The following CDH18 variants were observed in gnomAD, a reference collection of about 807,000 sequenced individuals.
CDH18 encodes cadherin 18.
A neutral mutation model predicts 67.9 loss-of-function variants in CDH18; 31 were observed. The ratio of observed to expected loss-of-function variants is 0.46; its 90% CI spans 0.34 to 0.62. CDH18 has a LOEUF of 0.62. Ranked by LOEUF, CDH18 falls within the 20% of genes least tolerant of loss-of-function variation. The pLI, the probability that CDH18 is intolerant of heterozygous loss-of-function variation, is 0.01. For synonymous variants in CDH18, 362 were observed against 347.2 expected (o/e 1.04, Z -0.48); for missense variants, 890 against 975.5 (o/e 0.91, Z 1.17).
At chr5:20,183,627 G>C (rs1281948729) in intron 2 of CDH18, among the ~76,000 whole-genome samples, 5 of 152,008 alleles carry the variant, frequency 3.3e-5, no homozygotes, top group African/African-American at 4.8e-5. Flanking sequence ...TTTATGATTT[G>C]TATATTCAAA....
In CDH18 at chr5:19,473,351, T is replaced by C. The variant is rs757108674; in HGVS notation, c.2248A>G (p.Ile750Val). 67 of 1,613,824 alleles carry C rather than the reference T, an allele frequency of 4.2e-5. No individual in the cohort carries two copies. In the Admixed American group the frequency reaches 6.5e-4, roughly 16 times the overall value. ...YEGQRSEAGS[I>V]SSLDSATTQS... ...GTCGTTGCTGAATCCAGCGAGCTGA[T>C]AGACCCAGCTTCTGATCTCTGACCC... Residue 750 changes from isoleucine to valine, a missense_variant, in exon 13 of 13, where the codon ATC becomes GTC. By Grantham distance (29) the Ile-to-Val change is conservative (BLOSUM62 3). Coordinates refer to ENST00000382275, the MANE Select transcript of CDH18 (RefSeq NM_004934.5).
intron 1 of CDH18, among the ~76,000 whole-genome samples, chr5:20,459,033 C>G (rs1412239450): frequency 6.6e-6 from 1 of 151,704 alleles, no homozygotes; most frequent in Non-Finnish European, 1.5e-5. Flanking sequence ...TGAAATGATA[C>G]ACAAAACAAA....
At chr5:19,872,317 G>C (rs1024679863) in intron 2 of CDH18, among the ~76,000 whole-genome samples, 1 of 152,252 alleles carries the variant, frequency 6.6e-6, no homozygotes, top group South Asian at 2.1e-4. Context: ...CTTCCTCTAA[G>C]GGCAGAACCT....
intron 2 of CDH18, among the ~76,000 whole-genome samples, chr5:20,162,197 A>T (rs767097982): frequency 1.3e-5 from 2 of 151,974 alleles, no homozygotes; most frequent in African/African-American, 2.4e-5. Context: ...TCTAGTTCCA[A>T]TGAAATGTCA....
intron 2 of CDH18, among the ~76,000 whole-genome samples, chr5:19,953,832 AT>A (rs1234890367): frequency 6.6e-6 from 1 of 151,966 alleles, no homozygotes; most frequent in African/African-American, 2.4e-5. Flanking sequence ...TCCTGCTTTA[AT>A]TTTTTTCTGT....
Position 20,403,981 on chromosome 5 carries a change from G to A in CDH18, c.-579-148476C>T, listed in dbSNP as rs1331439585. ...ATCAAAGATCTTAGCTGAATCTTCTGGATAACTTGTTGCAGCTTCTACATC... is the reference window on the plus strand; with the variant it reads ...ATCAAAGATCTTAGCTGAATCTTCTAGATAACTTGTTGCAGCTTCTACATC... On this transcript the variant is annotated intron_variant, in intron 1 of 14. Transcript: ENST00000507958. 1.3e-5 allele frequency among the ~76,000 whole-genome samples: 2 copies of A among 152,126 alleles called. 1 individual carries two copies. Among genetic ancestry groups the A allele is most frequent in the Non-Finnish European group, 2.9e-5 (2 of 68,016 alleles).
intron 10 of CDH18, among the ~76,000 whole-genome samples, chr5:19,508,840 A>G (rs1481807466): frequency 2.7e-5 from 4 of 150,466 alleles, no homozygotes; most frequent in African/African-American, 2.4e-5. Context: ...TAAGCATTTT[A>G]AAAAGGAAGT....
intron 1 of CDH18, among the ~76,000 whole-genome samples, chr5:20,456,891 T>C (rs1220778329): frequency 2.0e-5 from 3 of 152,176 alleles, no homozygotes; most frequent in African/African-American, 7.2e-5. Context: ...GGATCCTTCA[T>C]GAGAGATCTG....
At chr5:20,506,040 AAGAG>A (rs1156938522) in intron 1 of CDH18, among the ~76,000 whole-genome samples, 1 of 152,188 alleles carries the variant, frequency 6.6e-6, no homozygotes, top group Non-Finnish European at 1.5e-5. Context: ...AGAGGGTAAG[AAGAG>A]AAAGAAAGGA....
rs183322401 is a variant in CDH18, at chr5:20,473,558, T to G, written c.-580+101904A>C. 2.5e-3 allele frequency among the ~76,000 whole-genome samples: 374 copies of G among 152,170 alleles called. 2 individuals are homozygous for G. Among genetic ancestry groups the G allele is most frequent in the Admixed American group, 4.9e-3 (75 of 15,288 alleles). On this transcript the variant is annotated intron_variant, in intron 1 of 14. Transcript: ENST00000507958. ...ATAATGTATAAATTCATTTTTCTTG[T>G]ACTTAAAATATTGTTCTTTTCACTT...
chr5:19,833,826 T>C lies in CDH18; in HGVS notation c.228+4933A>G, dbSNP rs146272433. Among the ~76,000 whole-genome samples the C allele has an allele frequency of 1.1e-3, 161 of 152,294 alleles. 3 individuals carry two copies. The East Asian group carries it at 0.03, about 28-fold the overall frequency. On this transcript the variant is annotated intron_variant, in intron 3 of 12. Transcript: ENST00000382275. ...CTGTTTATGTGATGGATTACATTTA[T>C]TGATTTGCATATGTTGAACCAGCCT...
At chr5:19,561,828 G>A (rs1222421018) in intron 8 of CDH18, among the ~76,000 whole-genome samples, 1 of 152,090 alleles carries the variant, frequency 6.6e-6, no homozygotes, top group African/African-American at 2.4e-5. Context: ...AAAGAATAGA[G>A]TTGTCTTAGT....
Position 20,206,160 on chromosome 5 carries a change from A to T in CDH18, c.-518+49284T>A, listed in dbSNP as rs369896635. Among the ~76,000 whole-genome samples, 90 of 152,030 alleles carry T rather than the reference A, an allele frequency of 5.9e-4. No homozygotes were observed. The South Asian group carries it at 0.017, about 28-fold the overall frequency. Reference sequence around the variant, plus strand: ...CCAGAAATGAAAAATGAGTTATAGCAACTTATACCACAGAAATGCAAAAAT... The same window carrying T: ...CCAGAAATGAAAAATGAGTTATAGCTACTTATACCACAGAAATGCAAAAAT... On this transcript the variant is annotated intron_variant, in intron 2 of 14. Transcript: ENST00000507958.
chr5:20,357,920 A>AT (rs927417738), intron 1 of CDH18, among the ~76,000 whole-genome samples: 8 of 151,972 alleles, frequency 5.3e-5, no homozygotes, highest in African/African-American at 1.5e-4. Flanking sequence ...AGTGTGCAGG[A>AT]TTAAAAAAAA....
intron 3 of CDH18, among the ~76,000 whole-genome samples, chr5:19,819,120 C>T (rs963898071): frequency 1.3e-4 from 19 of 151,574 alleles, no homozygotes; most frequent in African/African-American, 4.4e-4. Context: ...TTTATTATTA[C>T]AAAGTTCTCT....
At chr5:20,112,864 C>G (rs1747595774) in intron 2 of CDH18, among the ~76,000 whole-genome samples, 1 of 152,174 alleles carries the variant, frequency 6.6e-6, no homozygotes, top group South Asian at 2.1e-4. Context: ...GGGAATTTTA[C>G]ACTGAAATTT....
At chr5:20,189,034 C>T (rs1289678639) in intron 2 of CDH18, among the ~76,000 whole-genome samples, 1 of 151,936 alleles carries the variant, frequency 6.6e-6, no homozygotes, top group Non-Finnish European at 1.5e-5. Flanking sequence ...GCATGGCAAT[C>T]CCCCAGATTA....
chr5:20,004,162 G>A (rs1312899140), intron 2 of CDH18, among the ~76,000 whole-genome samples: 1 of 152,212 alleles, frequency 6.6e-6, no homozygotes, highest in South Asian at 2.1e-4. Flanking sequence ...GCAAGGCCAC[G>A]ACATGGTCTG....
At chr5:19,859,060 C>A (rs1784594536) in intron 2 of CDH18, among the ~76,000 whole-genome samples, 1 of 151,788 alleles carries the variant, frequency 6.6e-6, no homozygotes, top group Non-Finnish European at 1.5e-5. Flanking sequence ...AAAGTATATA[C>A]CCAAAAAAAC....
Sources: allele counts gnomAD v4.1 joint callset (sites outside exome capture counted in the v4.1 genomes callset), GRCh38; gene constraint gnomAD v4.1.1; transcripts MANE v1.5; gene names NCBI Gene and HGNC (gene_info 2026-07-23, HGNC 2026-07-21).